The following NAV2 variants were observed in gnomAD, a reference collection of about 807,000 sequenced individuals.
The protein encoded by NAV2 is helicase, APC down-regulated 1.
Under a neutral mutation model 223.2 loss-of-function variants are expected in NAV2, and 54 were observed. That is an observed-to-expected ratio of 0.24 (90% CI 0.19 to 0.30). The LOEUF is 0.30. Among genes scored for constraint, NAV2 ranks in the 10% least tolerant of loss-of-function variants. NAV2 has a pLI of 1.00. For synonymous variants in NAV2, 1,279 were observed against 1,239.3 expected (o/e 1.03, Z -0.67); for missense variants, 2,806 against 3,147.5 (o/e 0.89, Z 2.60).
intron 11 of NAV2, among the ~76,000 whole-genome samples, chr11:20,011,551 G>A (rs1489119589): frequency 3.3e-5 from 5 of 152,154 alleles, no homozygotes; most frequent in African/African-American, 1.2e-4. Flanking sequence ...AGAACTCATT[G>A]TACAGGTGAT....
rs111783482 is a variant in NAV2, at chr11:19,865,696, C to T, written c.439-3229C>T. On this transcript the variant is annotated intron_variant, in intron 3 of 37. Coordinates refer to ENST00000349880, the MANE Select transcript of NAV2 (RefSeq NM_145117.5). ...GGCACTTGATGGACTTACGAATGAT[C>T]TTTTAAATAATGACAAAGTTCTAGT... Among the ~76,000 whole-genome samples the T allele has an allele frequency of 6.3e-3, 960 of 152,322 alleles. 9 individuals are homozygous for T. The highest frequency in any genetic ancestry group is 7.3e-3 in the South Asian group (35 of 4,818).
intron 22 of NAV2, among the ~76,000 whole-genome samples, chr11:20,073,137 T>A (rs1188912418): frequency 6.6e-6 from 1 of 152,216 alleles, no homozygotes; most frequent in African/African-American, 2.4e-5. Context: ...TAAGAGTGTT[T>A]AGCATGAAGG....
intron 1 of NAV2, among the ~76,000 whole-genome samples, chr11:19,533,990 G>A (rs1412406368): frequency 7.6e-6 from 1 of 132,296 alleles, no homozygotes; most frequent in Admixed American, 6.8e-5. Flanking sequence ...ACAGGCGTGA[G>A]CCACCGCGCC....
At chr11:20,076,922 C>T (rs987258171) in intron 22 of NAV2, among the ~76,000 whole-genome samples, 1 of 152,184 alleles carries the variant, frequency 6.6e-6, no homozygotes, top group Non-Finnish European at 1.5e-5. Context: ...TGGTAACCCC[C>T]TGGAGGAACT....
intron 1 of NAV2, among the ~76,000 whole-genome samples, chr11:19,567,941 C>T (rs1180625343): frequency 6.6e-6 from 1 of 152,212 alleles, no homozygotes. Flanking sequence ...CGCATCCTAA[C>T]ACCGATCACA....
intron 19 of NAV2, among the ~76,000 whole-genome samples, chr11:20,061,104 G>A (rs1329767990): frequency 6.6e-6 from 1 of 152,176 alleles, no homozygotes; most frequent in African/African-American, 2.4e-5. Context: ...CCATGGCCAG[G>A]AAAGCTGTGC....
intron 34 of NAV2, 80 bp downstream of exon 34, chr11:20,103,804 G>A: frequency 8.0e-7 from 1 of 1,244,106 alleles, no homozygotes; most frequent in Non-Finnish European, 1.2e-6. Flanking sequence ...AGAGATGCCT[G>A]TGTTGAGTAT....
intron 4 of NAV2, among the ~76,000 whole-genome samples, chr11:19,877,324 A>T (rs2062899187): frequency 6.6e-6 from 1 of 152,128 alleles, no homozygotes; most frequent in Admixed American, 6.5e-5. Flanking sequence ...AAAAGGCACT[A>T]AAAGTAAATC....
At chr11:19,745,289 T>C (rs968868647) in intron 1 of NAV2, among the ~76,000 whole-genome samples, 1 of 152,256 alleles carries the variant, frequency 6.6e-6, no homozygotes, top group Non-Finnish European at 1.5e-5. Context: ...CAGGTGTTTA[T>C]TTTATGACTG....
rs1467132834 is a variant in NAV2 at position 19,948,842 on chromosome 11, G to A, written c.2407G>A (p.Gly803Arg). Residue 803 changes from glycine (G) to arginine (R), a missense_variant, in exon 10 of 38, where the codon GGG becomes AGG. Gly to Arg is a moderately radical substitution (Grantham distance 125). Around this residue, in one of 4 missense-constraint regions of NAV2, gnomAD observed 1,167 missense variants for 1,180.5 expected, o/e 0.99. Coordinates refer to ENST00000349880, the MANE Select transcript of NAV2 (RefSeq NM_145117.5). ...QAGDAPSMGNGYPPRANASRF... is the reference protein window; with the variant it reads ...QAGDAPSMGNRYPPRANASRF... ...AGGAGACGCCCCCTCAATGGGCAAT[G>A]GGTATCCCCCTCGAGCCAACGCCAG... 1 of 1,614,072 alleles carries A rather than the reference G, an allele frequency of 6.2e-7. No homozygotes were observed. Among genetic ancestry groups the A allele is most frequent in the Non-Finnish European group, 8.5e-7 (1 of 1,180,024 alleles).
intron 1 of NAV2, among the ~76,000 whole-genome samples, chr11:19,796,943 T>G (rs2057944336): frequency 6.6e-6 from 1 of 152,136 alleles, no homozygotes; most frequent in Non-Finnish European, 1.5e-5. Context: ...TTCCTTCTTC[T>G]CCATCCCCTC....
intron 1 of NAV2, among the ~76,000 whole-genome samples, chr11:19,400,146 G>A (rs1339802599): frequency 2.0e-5 from 3 of 152,174 alleles, no homozygotes; most frequent in Non-Finnish European, 4.4e-5. Context: ...GGGTAGGCAG[G>A]AAAAAGACTG....
At chr11:19,899,838 A>G (rs2042295800) in intron 6 of NAV2, among the ~76,000 whole-genome samples, 1 of 152,230 alleles carries the variant, frequency 6.6e-6, no homozygotes, top group Admixed American at 6.5e-5. Flanking sequence ...TTAATCTGAC[A>G]GCAAATCTGC....
chr11:19,946,741 A>G (rs1020239821), intron 9 of NAV2, among the ~76,000 whole-genome samples: 1 of 152,238 alleles, frequency 6.6e-6, no homozygotes, highest in East Asian at 1.9e-4. Context: ...TCCATTCAAC[A>G]AAGGATACTG....
intron 1 of NAV2, among the ~76,000 whole-genome samples, chr11:19,541,742 G>A (rs750494031): frequency 1.1e-4 from 17 of 152,160 alleles, no homozygotes; most frequent in Non-Finnish European, 1.9e-4. Context: ...TGTGGGCCTC[G>A]CTGGAGCCAT....
intron 10 of NAV2, among the ~76,000 whole-genome samples, chr11:19,971,978 C>T (rs1311616977): frequency 6.6e-6 from 1 of 152,226 alleles, no homozygotes; most frequent in Non-Finnish European, 1.5e-5. Context: ...GCTGGGATTA[C>T]AGGCATAAGC....
At chr11:19,965,278 C>G (rs1192587376) in intron 10 of NAV2, among the ~76,000 whole-genome samples, 2 of 152,160 alleles carry the variant, frequency 1.3e-5, no homozygotes, top group African/African-American at 4.8e-5. Flanking sequence ...ACTTCAGAGC[C>G]TGAATTCAAC....
intron 1 of NAV2, among the ~76,000 whole-genome samples, chr11:19,419,108 G>A (rs1037830929): frequency 2.6e-5 from 4 of 152,148 alleles, no homozygotes; most frequent in Non-Finnish European, 4.4e-5. Flanking sequence ...AAGGGTCAGT[G>A]GCACTGGGGG....
chr11:19,504,737 G>A (rs1172728497), intron 1 of NAV2, among the ~76,000 whole-genome samples: 1 of 152,220 alleles, frequency 6.6e-6, no homozygotes, highest in Non-Finnish European at 1.5e-5. Context: ...TGGGGTCTGG[G>A]GCTGAAGCAA....
Sources: allele counts gnomAD v4.1 joint callset (sites outside exome capture counted in the v4.1 genomes callset), GRCh38; gene constraint gnomAD v4.1.1; regional missense constraint gnomAD v4.1.1; transcripts MANE v1.5; gene names NCBI Gene and HGNC (gene_info 2026-07-23, HGNC 2026-07-21).